Variants in STXBP5L observed in about 807,000 individuals in gnomAD.
STXBP5L encodes syntaxin binding protein 5L, also known as syntaxin-binding protein 5-like.
STXBP5L carries 65 observed loss-of-function variants against 144.5 expected under a neutral mutation model. That is an observed-to-expected ratio of 0.45 (90% CI 0.37 to 0.55). The LOEUF (loss-of-function observed/expected upper bound fraction) is 0.55, where lower values mean the gene tolerates loss of function less well. Ranked by LOEUF, STXBP5L falls within the 20% of genes least tolerant of loss-of-function variation. STXBP5L has a pLI of 0.00. For missense variants in STXBP5L, 1,298 were observed against 1,405.5 expected (o/e 0.92, Z 1.22); for synonymous variants, 505 against 469.6 (o/e 1.08, Z -0.97).
At chr3:121,047,520 A>G (rs1242131312) in intron 5 of STXBP5L, among the ~76,000 whole-genome samples, 1 of 152,160 alleles carries the variant, frequency 6.6e-6, no homozygotes, top group Non-Finnish European at 1.5e-5. Flanking sequence ...AACTCGCTTT[A>G]TGAATCCGGG....
intron 9 of STXBP5L, among the ~76,000 whole-genome samples, chr3:121,186,700 A>G (rs1466234088): frequency 6.6e-6 from 1 of 152,138 alleles, no homozygotes; most frequent in African/African-American, 2.4e-5. Flanking sequence ...GTTTGCCAGT[A>G]TTTTACTGAG....
intron 19 of STXBP5L, among the ~76,000 whole-genome samples, chr3:121,316,740 T>TA (rs1318456961): frequency 6.6e-6 from 1 of 152,214 alleles, no homozygotes; most frequent in Non-Finnish European, 1.5e-5. Context: ...TGACTCAACT[T>TA]ACAGTGATGT....
chr3:121,030,809 A>G (rs756340627), intron 3 of STXBP5L, among the ~76,000 whole-genome samples: 1 of 152,106 alleles, frequency 6.6e-6, no homozygotes, highest in Admixed American at 6.6e-5. Flanking sequence ...AAGCTTGAGA[A>G]TCAATATTTT....
chr3:121,010,520 C>A (rs1559996667), intron 3 of STXBP5L, among the ~76,000 whole-genome samples: 2 of 151,532 alleles, frequency 1.3e-5, no homozygotes, highest in Admixed American at 6.6e-5. Context: ...AAGAAACTAT[C>A]ACTGAGCTTC....
chr3:121,067,867 G>C (rs2107651408), intron 5 of STXBP5L, among the ~76,000 whole-genome samples: 1 of 151,986 alleles, frequency 6.6e-6, no homozygotes, highest in South Asian at 2.1e-4. Flanking sequence ...AATATATCTT[G>C]TCTTGAAATA....
chr3:121,369,067 C>A (rs994262830), intron 20 of STXBP5L, among the ~76,000 whole-genome samples: 1 of 152,124 alleles, frequency 6.6e-6, no homozygotes, highest in African/African-American at 2.4e-5. Context: ...TGTTGGTCCA[C>A]CCTGTCTCCT....
chr3:120,925,210 T>C (rs993059938), intron 2 of STXBP5L: 2 of 152,170 alleles, frequency 1.3e-5, no homozygotes, highest in African/African-American at 4.8e-5. Flanking sequence ...CTAATGACAA[T>C]GTCCACACTT....
chr3:121,007,786 T>C (rs143464482), intron 3 of STXBP5L, among the ~76,000 whole-genome samples: 1 of 152,118 alleles, frequency 6.6e-6, no homozygotes, highest in Non-Finnish European at 1.5e-5. Flanking sequence ...TGCATAGAAA[T>C]TGTAATGGTC....
chr3:120,993,779 T>C (rs530884002), intron 3 of STXBP5L, among the ~76,000 whole-genome samples: 1 of 152,078 alleles, frequency 6.6e-6, no homozygotes, highest in Non-Finnish European at 1.5e-5. Context: ...CTTTTGCTAC[T>C]CAGGCTCTTT....
At chr3:121,378,413 C>T (rs187830912) in intron 20 of STXBP5L, among the ~76,000 whole-genome samples, 46 of 152,090 alleles carry the variant, frequency 3.0e-4, no homozygotes, top group Non-Finnish European at 5.0e-4. Context: ...TTAAGTTATG[C>T]AACAAAAAGT....
intron 3 of STXBP5L, among the ~76,000 whole-genome samples, chr3:121,008,436 A>G (rs1944515752): frequency 6.6e-6 from 1 of 152,028 alleles, no homozygotes; most frequent in African/African-American, 2.4e-5. Context: ...CAGGAAGTGC[A>G]CATTTCCAAA....
chr3:121,075,535 C>T (rs543363281), intron 5 of STXBP5L, among the ~76,000 whole-genome samples: 1 of 152,270 alleles, frequency 6.6e-6, no homozygotes, highest in Admixed American at 6.5e-5. Flanking sequence ...ACTTCTGAAG[C>T]TTTAGCTTTA....
chr3:120,960,076 C>A (rs1243476619), intron 3 of STXBP5L, among the ~76,000 whole-genome samples: 3 of 152,128 alleles, frequency 2.0e-5, no homozygotes, highest in Non-Finnish European at 4.4e-5. Flanking sequence ...AAACAAACAA[C>A]CCCATCGAAA....
chr3:121,392,099 C>T (rs763305773), intron 22 of STXBP5L, among the ~76,000 whole-genome samples: 2 of 152,198 alleles, frequency 1.3e-5, no homozygotes, highest in Non-Finnish European at 2.9e-5. Context: ...CTACTCAAGC[C>T]TCAACAATGG....
At chr3:121,059,196 G>A (rs1039245141) in intron 5 of STXBP5L, among the ~76,000 whole-genome samples, 1 of 152,194 alleles carries the variant, frequency 6.6e-6, no homozygotes, top group Non-Finnish European at 1.5e-5. Context: ...GATGTGGCTA[G>A]CCAGTTTTCC....
intron 20 of STXBP5L, among the ~76,000 whole-genome samples, chr3:121,339,070 C>A (rs565409308): frequency 1.3e-5 from 2 of 152,104 alleles, no homozygotes; most frequent in African/African-American, 4.8e-5. Context: ...ACCTTGATAC[C>A]AAAGCCAGGA....
intron 2 of STXBP5L, among the ~76,000 whole-genome samples, chr3:120,950,463 C>A (rs1431389294): frequency 6.6e-6 from 1 of 152,048 alleles, no homozygotes; most frequent in African/African-American, 2.4e-5. Context: ...AGTTACCTAA[C>A]TTTGTTCTCT....
rs1045828912 is a variant in STXBP5L, at chr3:121,334,589, C to CA, written c.2176+16056dup. Among the ~76,000 whole-genome samples the CA allele has an allele frequency of 5.2e-4, 79 of 151,380 alleles. 2 individuals carry two copies. Among genetic ancestry groups the CA allele is most frequent in the African/African-American group, 1.6e-3 (64 of 41,110 alleles). On this transcript the variant is annotated intron_variant, in intron 20 of 26. Transcript: ENST00000471454. ...TTGATGGTCATTGATGCAAAAATCTCAAAAAAATACGTGCAAATCAAATCC... is the reference window on the plus strand; with the variant it reads ...TTGATGGTCATTGATGCAAAAATCTCAAAAAAAATACGTGCAAATCAAATCC...
Position 121,259,024 on chromosome 3 carries a change from A to T in STXBP5L, c.1833-19A>T. ...GTTTATTTAAGCTGTATATAATAGG[A>T]TTGTTTTTGTTCTTAAAGTGTGAAG... On this transcript the variant is annotated intron_variant, in intron 17 of 26. Transcript: ENST00000471454. 1 of 1,585,376 alleles carries T rather than the reference A, an allele frequency of 6.3e-7. No individual in the cohort carries two copies. Among genetic ancestry groups the T allele is most frequent in the Non-Finnish European group, 8.6e-7 (1 of 1,165,154 alleles).
Sources: allele counts gnomAD v4.1 joint callset (sites outside exome capture counted in the v4.1 genomes callset), GRCh38; gene constraint gnomAD v4.1.1; transcripts MANE v1.5; gene names NCBI Gene and HGNC (gene_info 2026-07-23, HGNC 2026-07-21).